Variants in DGKE observed in about 807,000 individuals in gnomAD.
The protein encoded by DGKE is DAG kinase epsilon.
Under a neutral mutation model 70.0 loss-of-function variants are expected in DGKE, and 53 were observed. That is an observed-to-expected ratio of 0.76 (90% CI 0.61 to 0.95). The LOEUF is 0.95. Among genes scored for constraint, DGKE ranks in the 40% least tolerant of loss-of-function variants. The pLI, the probability that DGKE is intolerant of heterozygous loss-of-function variation, is 0.00. For synonymous variants in DGKE, 291 were observed against 257.0 expected, an observed-to-expected ratio of 1.13 and a Z score of -1.27; for missense variants, 655 against 706.9, an observed-to-expected ratio of 0.93 and a Z score of 0.83.
chr17:56,851,309 G>A (rs1369403625), intron 7 of DGKE, among the ~76,000 whole-genome samples: 1 of 152,178 alleles, frequency 6.6e-6, no homozygotes, highest in East Asian at 1.9e-4. Context: ...TCAGGTAGTA[G>A]ATTGGAGGTT....
At chr17:56,856,647 T>C (rs755518309) in intron 8 of DGKE, 22 bp downstream of exon 8, 32 of 1,602,520 alleles carry the variant, frequency 2.0e-5, no homozygotes, top group Non-Finnish European at 2.6e-5. Context: ...AAAATAACAT[T>C]TCCTGCTTAT....
intron 2 of DGKE, among the ~76,000 whole-genome samples, chr17:56,840,120 C>T (rs1291385925): frequency 4.6e-5 from 7 of 152,018 alleles, no homozygotes; most frequent in South Asian, 2.1e-4. Flanking sequence ...GCCGAGATCG[C>T]GCCATTGCAC....
At chr17:56,841,982 T>A (rs1907009631) in intron 2 of DGKE, among the ~76,000 whole-genome samples, 1 of 152,112 alleles carries the variant, frequency 6.6e-6, no homozygotes, top group Admixed American at 6.6e-5. Context: ...TTTTTCTTGT[T>A]TTTTGGGACA....
At chr17:56,853,934 G>T (rs1266100086) in intron 7 of DGKE, among the ~76,000 whole-genome samples, 2 of 150,678 alleles carry the variant, frequency 1.3e-5, no homozygotes, top group Admixed American at 1.3e-4. Flanking sequence ...TGAATGAATG[G>T]TTTTTTTAAG....
rs781051315 is a variant in DGKE at position 56,858,699 on chromosome 17, T to G, written c.1284+34T>G. On this transcript the variant is annotated intron_variant, in intron 9 of 11. Coordinates refer to ENST00000284061, the MANE Select transcript of DGKE (RefSeq NM_003647.3). ...TTAACACTTTTTATTTTTTAAAGTT[T>G]TAGGTGGTCTCTGGATTATGAAGAC... 3 of 1,462,186 alleles carry G rather than the reference T, an allele frequency of 2.1e-6. No homozygotes were observed. Among genetic ancestry groups the G allele is most frequent in the Non-Finnish European group, 2.8e-6 (3 of 1,068,268 alleles). 90.6% of individuals were successfully genotyped at this position (1,462,186 alleles called of 1,614,324 possible).
intron 7 of DGKE, among the ~76,000 whole-genome samples, chr17:56,852,384 C>T (rs1907705292): frequency 6.7e-6 from 1 of 150,128 alleles, no homozygotes; most frequent in Non-Finnish European, 1.5e-5. Context: ...CTGTACTCTA[C>T]CCTGGGCGAC....
In DGKE at chr17:56,865,098, G is replaced by T. The variant is rs1908479876; in HGVS notation, c.*2307G>T. Reference sequence around the variant, plus strand: ...TTTTGCAAAATTCACTTACTTTTTGGGCACATTTACCCAGCATTTCAAATA... The same window carrying T: ...TTTTGCAAAATTCACTTACTTTTTGTGCACATTTACCCAGCATTTCAAATA... On this transcript the variant is annotated 3_prime_UTR_variant, in exon 12 of 12. Transcript: ENST00000284061. 6.6e-6 allele frequency: 1 copy of T among 151,616 alleles called. No individual in the cohort carries two copies. Among genetic ancestry groups the T allele is most frequent in the Non-Finnish European group, 1.5e-5 (1 of 67,910 alleles). The allele number at this position is 151,616 out of a possible 1,614,324, so 9.4% of individuals were successfully genotyped here.
At chr17:56,844,638 A>G (rs1292009579) in intron 3 of DGKE, among the ~76,000 whole-genome samples, 1 of 152,160 alleles carries the variant, frequency 6.6e-6, no homozygotes, top group Non-Finnish European at 1.5e-5. Flanking sequence ...AAAAGAAAAT[A>G]GATTTTCCTC....
At chr17:56,838,173 A>G (rs1257200779) in intron 2 of DGKE, among the ~76,000 whole-genome samples, 3 of 152,200 alleles carry the variant, frequency 2.0e-5, no homozygotes, top group Non-Finnish European at 4.4e-5. Context: ...CACGCCTCAC[A>G]CACAATTACT....
intron 2 of DGKE, among the ~76,000 whole-genome samples, chr17:56,842,007 A>G (rs1383757424): frequency 6.6e-6 from 1 of 152,148 alleles, no homozygotes; most frequent in Non-Finnish European, 1.5e-5. Context: ...CAGATAAATT[A>G]TACGATATTG....
intron 7 of DGKE, among the ~76,000 whole-genome samples, chr17:56,852,412 CAA>C (rs11422991): frequency 7.1e-6 from 1 of 141,750 alleles, no homozygotes; most frequent in Non-Finnish European, 1.5e-5. Context: ...GACTCTGTCT[CAA>C]AAAAAAAAAA....
chr17:56,834,276 C>CCGGCG lies in DGKE; in HGVS notation c.-19+23_-19+27dup, dbSNP rs1330528096. 1.3e-5 allele frequency: 2 copies of CCGGCG among 153,124 alleles called. No individual in the cohort carries two copies. The highest frequency in any genetic ancestry group is 4.8e-5 in the African/African-American group (2 of 41,490). 9.5% of individuals were successfully genotyped at this position (153,124 alleles called of 1,614,324 possible). On this transcript the variant is annotated intron_variant, in intron 1 of 11. Coordinates refer to ENST00000284061, the MANE Select transcript of DGKE (RefSeq NM_003647.3). ...CCCGCGCGAGGTAGGGCTTCGAGGA[C>CCGGCG]CGGCGCGGCGCAGGTCTCCGGAGGC... is the stretch of plus-strand genomic sequence containing the variant.
At chr17:56,857,292 G>A (rs563513780) in intron 8 of DGKE, among the ~76,000 whole-genome samples, 2 of 152,258 alleles carry the variant, frequency 1.3e-5, no homozygotes, top group African/African-American at 4.8e-5. Flanking sequence ...GTCATTAATG[G>A]AAAAGTAGAT....
At position 56,866,102 on chromosome 17, in the gene DGKE, C is replaced by G. The variant is rs1039571476; in HGVS notation, c.*3311C>G. 1.3e-5 allele frequency: 2 copies of G among 151,962 alleles called. No homozygotes were observed. The highest frequency in any genetic ancestry group is 2.4e-5 in the African/African-American group (1 of 41,354). 9.4% of individuals were successfully genotyped at this position (151,962 alleles called of 1,614,324 possible). A position where few individuals can be genotyped will look rare whatever the true frequency, so the allele number is the denominator to read the frequency against. On this transcript the variant is annotated 3_prime_UTR_variant, in exon 12 of 12. Coordinates refer to ENST00000284061, the MANE Select transcript of DGKE (RefSeq NM_003647.3). ...AAAAAGAAAGAAAAGGTTGTTTATC[C>G]CAATCTGAATTCATTCTCAGCAACA...
chr17:56,849,759 A>C (rs1450389780), intron 7 of DGKE, among the ~76,000 whole-genome samples: 1 of 152,228 alleles, frequency 6.6e-6, no homozygotes, highest in Non-Finnish European at 1.5e-5. Flanking sequence ...ATAACTGAAT[A>C]TATGGAAATG....
chr17:56,858,044 G>A (rs1390123044), intron 8 of DGKE, among the ~76,000 whole-genome samples: 1 of 135,344 alleles, frequency 7.4e-6, no homozygotes, highest in Non-Finnish European at 1.5e-5. Context: ...CTGCACTCCA[G>A]CCTGGTGACA....
rs1908652024 is a variant in DGKE, at chr17:56,869,213, CAATT to C, written c.*6423_*6426del. On this transcript the variant is annotated 3_prime_UTR_variant, in exon 12 of 12. Transcript: ENST00000284061. The stretch of plus-strand genomic sequence containing the variant: ...TCCTGGGAAGCAGGCCTAGTGTAAA[CAATT>C]TATTTTTCTAGAAAAGACAGAAGTT... 1 of 152,134 alleles carries C rather than the reference CAATT, an allele frequency of 6.6e-6. No homozygotes were observed. Among genetic ancestry groups the C allele is most frequent in the African/African-American group, 2.4e-5 (1 of 41,420 alleles). The allele number at this position is 152,134 out of a possible 1,614,324, so 9.4% of individuals were successfully genotyped here. A position where few individuals can be genotyped will look rare whatever the true frequency, so the allele number is the denominator to read the frequency against.
rs1190727729 is a variant in DGKE, at chr17:56,869,111, G to A, written c.*6320G>A. 1 of 152,138 alleles carries A rather than the reference G, an allele frequency of 6.6e-6. No individual in the cohort carries two copies. Among genetic ancestry groups the A allele is most frequent in the African/African-American group, 2.4e-5 (1 of 41,420 alleles). 9.4% of individuals were successfully genotyped at this position (152,138 alleles called of 1,614,324 possible). ...AATGGGAATTAATGCCCACCTACGG[G>A]TTGCAAGTGCTTACAGGAGCTGGGC... On this transcript the variant is annotated 3_prime_UTR_variant, in exon 12 of 12. Transcript: ENST00000284061.
At chr17:56,849,029 T>TA in intron 6 of DGKE, 152 bp from the exon 7 acceptor site, 2 of 1,131,064 alleles carry the variant, frequency 1.8e-6, no homozygotes, top group Non-Finnish European at 2.5e-6. Context: ...AGTAATAAGT[T>TA]ACACTGAGTA....
Sources: gnomAD v4.1 joint callset for allele counts (sites outside exome capture counted in the v4.1 genomes callset) on GRCh38, gnomAD v4.1.1 for gene constraint, MANE v1.5 for transcripts, NCBI Gene and HGNC (gene_info 2026-07-23, HGNC 2026-07-21) for gene names.